CHSY3: variants seen among roughly 807,000 people sequenced by gnomAD.
CHSY3 encodes the protein chondroitin sulfate synthase 3, also known as N-acetylgalactosaminyl-proteoglycan 3-beta-glucuronosyltransferase 3.
Under a neutral mutation model 67.2 loss-of-function variants are expected in CHSY3, and 35 were observed. That is an observed-to-expected ratio of 0.52 (90% CI 0.40 to 0.69). The LOEUF is 0.69. Ranked by LOEUF, CHSY3 falls within the 30% of genes least tolerant of loss-of-function variation. CHSY3 has a pLI of 0.00. For missense variants in CHSY3, 1,069 were observed against 1,138.5 expected (o/e 0.94, Z 0.88); for synonymous variants, 474 against 434.7 (o/e 1.09, Z -1.12).
chr5:129,996,030 A>T (rs1025498400), intron 2 of CHSY3, among the ~76,000 whole-genome samples: 2 of 152,068 alleles, frequency 1.3e-5, no homozygotes, highest in African/African-American at 4.8e-5. Flanking sequence ...TATTATTTCA[A>T]AGCCTGGTTC....
intron 2 of CHSY3, among the ~76,000 whole-genome samples, chr5:129,966,311 C>T (rs1762466465): frequency 1.3e-5 from 2 of 151,696 alleles, no homozygotes; most frequent in South Asian, 4.1e-4. Context: ...AAAATAAGGC[C>T]GCATTTTCAG....
intron 2 of CHSY3, among the ~76,000 whole-genome samples, chr5:129,936,117 A>C (rs1165362832): frequency 6.6e-6 from 1 of 152,218 alleles, no homozygotes; most frequent in Admixed American, 6.5e-5. Flanking sequence ...AACTTGAAAG[A>C]CTTTATGAAA....
At chr5:130,052,687 C>T (rs1205945452) in intron 2 of CHSY3, among the ~76,000 whole-genome samples, 3 of 151,866 alleles carry the variant, frequency 2.0e-5, no homozygotes, top group African/African-American at 7.3e-5. Context: ...TTTTTCTATT[C>T]TGGTAAGGGA....
rs568393417 is a variant in CHSY3, at chr5:130,093,649, G to A, written c.1087-90580G>A. Among the ~76,000 whole-genome samples the A allele has an allele frequency of 6.2e-4, 95 of 152,128 alleles. 1 individual carries two copies. In the South Asian group the frequency reaches 7.9e-3, roughly 13 times the overall value. ...AAAGAAACTGATGAATGATGTAGTC[G>A]GTTGCACAGAATCACACACAACTTG... On this transcript the variant is annotated intron_variant, in intron 2 of 2. Coordinates refer to ENST00000305031, the MANE Select transcript of CHSY3 (RefSeq NM_175856.5).
intron 2 of CHSY3, among the ~76,000 whole-genome samples, chr5:130,155,285 C>A (rs1375547709): frequency 6.6e-6 from 1 of 152,160 alleles, no homozygotes; most frequent in African/African-American, 2.4e-5. Context: ...AAAAAATGTG[C>A]ACATAAAAGA....
intron 2 of CHSY3, among the ~76,000 whole-genome samples, chr5:130,110,817 G>C (rs1034644186): frequency 2.6e-5 from 4 of 151,894 alleles, no homozygotes; most frequent in African/African-American, 7.2e-5. Context: ...TCCCTGATAA[G>C]AGAAATATTT....
intron 2 of CHSY3, among the ~76,000 whole-genome samples, chr5:130,143,444 G>T (rs538963385): frequency 6.6e-6 from 1 of 152,024 alleles, no homozygotes; most frequent in South Asian, 2.1e-4. Flanking sequence ...TACATAGTAA[G>T]TGCTACTTTG....
intron 2 of CHSY3, among the ~76,000 whole-genome samples, chr5:129,912,889 C>A (rs1050519067): frequency 6.6e-6 from 1 of 152,172 alleles, no homozygotes; most frequent in Non-Finnish European, 1.5e-5. Context: ...GGCCATATGG[C>A]AGATGTTAAT....
At chr5:130,025,873 T>C (rs1764526726) in intron 2 of CHSY3, among the ~76,000 whole-genome samples, 1 of 152,148 alleles carries the variant, frequency 6.6e-6, no homozygotes, top group Non-Finnish European at 1.5e-5. Flanking sequence ...GACACAAACC[T>C]GCAGTCTATA....
intron 2 of CHSY3, among the ~76,000 whole-genome samples, chr5:130,044,319 C>T (rs1484232373): frequency 6.6e-6 from 1 of 152,002 alleles, no homozygotes; most frequent in African/African-American, 2.4e-5. Flanking sequence ...TCAGCTGCAT[C>T]ATCTGTGGCT....
At chr5:129,921,106 C>A (rs1026569224) in intron 2 of CHSY3, among the ~76,000 whole-genome samples, 2 of 152,228 alleles carry the variant, frequency 1.3e-5, no homozygotes, top group Admixed American at 6.5e-5. Context: ...AGGCGTGAAC[C>A]ATCGTGCATA....
intron 2 of CHSY3, among the ~76,000 whole-genome samples, chr5:129,979,044 A>G (rs1345581983): frequency 6.6e-6 from 1 of 151,232 alleles, no homozygotes; most frequent in African/African-American, 2.4e-5. Flanking sequence ...TAAAAATACA[A>G]AAAAAATTAG....
At chr5:130,008,072 C>A (rs1763927243) in intron 2 of CHSY3, among the ~76,000 whole-genome samples, 1 of 152,192 alleles carries the variant, frequency 6.6e-6, no homozygotes, top group South Asian at 2.1e-4. Flanking sequence ...GCAGCATCGC[C>A]CACCAGTTTG....
intron 2 of CHSY3, among the ~76,000 whole-genome samples, chr5:130,074,888 T>G (rs544602347): frequency 7.4e-4 from 96 of 128,970 alleles, no homozygotes; most frequent in African/African-American, 2.9e-3. Flanking sequence ...ACATTAATGA[T>G]AGTAATAATT....
At chr5:130,021,565 T>C (rs1561501221) in intron 2 of CHSY3, among the ~76,000 whole-genome samples, 2 of 152,110 alleles carry the variant, frequency 1.3e-5, no homozygotes, top group Non-Finnish European at 2.9e-5. Context: ...TGTTTTTCTT[T>C]TTTTTCCCCC....
rs571404869 is a variant in CHSY3, at chr5:130,046,054, G to T, written c.1086+137694G>T. ...TAATGCTAGCAATACTTAACTGCAG[G>T]AAACGACTATTATAACTCATGTCAT... On this transcript the variant is annotated intron_variant, in intron 2 of 2. Transcript: ENST00000305031. Among the ~76,000 whole-genome samples, 3 of 152,116 alleles carry T rather than the reference G, an allele frequency of 2.0e-5. No individual in the cohort carries two copies. The East Asian group carries it at 5.8e-4, about 29-fold the overall frequency.
chr5:129,962,657 C>T (rs1762365525), intron 2 of CHSY3, among the ~76,000 whole-genome samples: 2 of 152,034 alleles, frequency 1.3e-5, no homozygotes, highest in Admixed American at 6.6e-5. Flanking sequence ...GCTCTCTGCT[C>T]TCTGCTCTCC....
rs528632950 is a variant in CHSY3 at position 129,989,449 on chromosome 5, T to C, written c.1086+81089T>C. Among the ~76,000 whole-genome samples the C allele has an allele frequency of 1.5e-4, 23 of 151,988 alleles. No individual in the cohort carries two copies. In the South Asian group the frequency reaches 3.5e-3, roughly 23 times the overall value. ...CAAATTTTGTGTTTTTAGTAGAGAC[T>C]TGTTCTTTTATTAAGGAAACCACTC... On this transcript the variant is annotated intron_variant, in intron 2 of 2. Coordinates refer to ENST00000305031, the MANE Select transcript of CHSY3 (RefSeq NM_175856.5).
At chr5:130,143,044 T>C (rs1768915309) in intron 2 of CHSY3, among the ~76,000 whole-genome samples, 1 of 152,234 alleles carries the variant, frequency 6.6e-6, no homozygotes, top group Non-Finnish European at 1.5e-5. Context: ...CTACTGTTAA[T>C]GCTATCTTTT....
Sources: gnomAD v4.1 joint callset for allele counts (sites outside exome capture counted in the v4.1 genomes callset) on GRCh38, gnomAD v4.1.1 for gene constraint, MANE v1.5 for transcripts, NCBI Gene and HGNC (gene_info 2026-07-23, HGNC 2026-07-21) for gene names.